Variants in NTN1 observed in about 807,000 individuals in gnomAD.
The protein encoded by NTN1 is netrin 1, also known as netrin-1.
A neutral mutation model predicts 54.2 loss-of-function variants in NTN1; 11 were observed. That is an observed-to-expected ratio of 0.20 (90% confidence interval 0.13 to 0.34). The LOEUF (loss-of-function observed/expected upper bound fraction) is 0.34, where lower values mean the gene tolerates loss of function less well. Ranked by LOEUF, NTN1 falls within the 10% of genes least tolerant of loss-of-function variation. NTN1 has a pLI of 1.00. For synonymous variants in NTN1, 371 were observed against 382.0 expected (o/e 0.97, Z 0.33); for missense variants, 740 against 893.1 (o/e 0.83, Z 2.18).
At chr17:9,105,678 CTCTG>C (rs1567711691) in intron 2 of NTN1, among the ~76,000 whole-genome samples, 1 of 151,404 alleles carries the variant, frequency 6.6e-6, no homozygotes, top group African/African-American at 2.4e-5. Flanking sequence ...CTCTCTCTCT[CTCTG>C]TCTCTGTCTC....
At chr17:9,177,871 T>C (rs1209448692) in intron 3 of NTN1, 1 of 152,182 alleles carries the variant, frequency 6.6e-6, no homozygotes, top group African/African-American at 2.4e-5. Context: ...GAATTTAGGG[T>C]ACATCTAAGA....
intron 5 of NTN1, among the ~76,000 whole-genome samples, chr17:9,202,392 T>G (rs1218264002): frequency 6.6e-6 from 1 of 152,178 alleles, no homozygotes; most frequent in Non-Finnish European, 1.5e-5. Flanking sequence ...GTGGGCTCTT[T>G]GTGAGGGCAG....
At chr17:9,076,036 T>A (rs534052556) in intron 2 of NTN1, among the ~76,000 whole-genome samples, 241 of 152,326 alleles carry the variant, frequency 1.6e-3, no homozygotes, top group African/African-American at 5.3e-3. Context: ...AGGTCATTTT[T>A]AAAAACTGCT....
rs544343237 is a variant in NTN1, at chr17:9,212,876, G to A, written c.1412-8292G>A. 4.6e-5 allele frequency among the ~76,000 whole-genome samples: 7 copies of A among 152,334 alleles called. No homozygotes were observed. Among genetic ancestry groups the A allele is most frequent in the Admixed American group, 3.9e-4 (6 of 15,306 alleles). On this transcript the variant is annotated intron_variant, in intron 5 of 6. Coordinates refer to ENST00000173229, the MANE Select transcript of NTN1 (RefSeq NM_004822.3). The surrounding 1 kb of genome is among the most constrained non-coding windows in gnomAD (Gnocchi z 5.5). ...TGCTCCAAGGGGAGGTGCCAGATGCGGTGCCCCTGGCTTCAACCGTGGCCG... is the reference window on the plus strand; with the variant it reads ...TGCTCCAAGGGGAGGTGCCAGATGCAGTGCCCCTGGCTTCAACCGTGGCCG...
At chr17:9,113,332 A>G (rs1037177899) in intron 2 of NTN1, among the ~76,000 whole-genome samples, 1 of 152,056 alleles carries the variant, frequency 6.6e-6, no homozygotes, top group Non-Finnish European at 1.5e-5. Context: ...TGTATACGGT[A>G]TTTTTAAAGC....
At chr17:9,095,543 T>A (rs1456196595) in intron 2 of NTN1, among the ~76,000 whole-genome samples, 2 of 152,254 alleles carry the variant, frequency 1.3e-5, no homozygotes, top group Non-Finnish European at 2.9e-5. Flanking sequence ...TTGGTCTGTT[T>A]CTGGAGTTCT....
At chr17:9,042,012 G>GA (rs577648784) in intron 2 of NTN1, among the ~76,000 whole-genome samples, 191 of 116,166 alleles carry the variant, frequency 1.6e-3, no homozygotes, top group South Asian at 8.6e-3. Flanking sequence ...CTGTCAAAAA[G>GA]AAAAAAAAAA....
chr17:9,039,738 A>G (rs767883300), intron 2 of NTN1, among the ~76,000 whole-genome samples: 5 of 152,154 alleles, frequency 3.3e-5, no homozygotes, highest in Non-Finnish European at 7.3e-5. Flanking sequence ...AAATGGAATC[A>G]TACGGTACGT....
intron 2 of NTN1, among the ~76,000 whole-genome samples, chr17:9,094,822 C>G (rs143683891): frequency 6.6e-6 from 1 of 151,990 alleles, no homozygotes; most frequent in Non-Finnish European, 1.5e-5. Context: ...AACCCCGTCT[C>G]TACTACAAAT....
intron 2 of NTN1, among the ~76,000 whole-genome samples, chr17:9,155,566 C>A (rs979186755): frequency 6.6e-6 from 1 of 152,062 alleles, no homozygotes; most frequent in Admixed American, 6.5e-5. Flanking sequence ...GTTTCAAACT[C>A]CTGACTTCAG....
rs138773744 is a variant in NTN1 at position 9,239,770 on chromosome 17, G to C, written c.1617G>C (p.Ser539=). The C allele has an allele frequency of 7.8e-5, 126 of 1,613,806 alleles. 1 individual carries two copies. In the African/African-American group the frequency reaches 8.9e-4, roughly 11 times the overall value. Residue 539 remains serine (S), a synonymous_variant, in exon 7 of 7, where the codon TCG becomes TCC. Coordinates refer to ENST00000173229, the MANE Select transcript of NTN1 (RefSeq NM_004822.3). This position sits in a 1 kb window ranked among gnomAD's most constrained non-coding sequence, Gnocchi z 5.2. ...GTGACCAGAGCCTGTGGATCCGCTC[G>C]CGGGACATCGCCTGCAAGTGTCCCA... is the stretch of plus-strand genomic sequence containing the variant. ...RRGDQSLWIR[S]RDIACKCPKI... is the part of the protein sequence containing the mutation.
At chr17:9,012,679 G>A in the NTN1 span, among the ~76,000 whole-genome samples, 2 of 151,992 alleles carry the variant, frequency 1.3e-5, no homozygotes, top group African/African-American at 2.4e-5. Flanking sequence ...CCTTCTTAGG[G>A]AGTCCTTCCC....
At chr17:9,119,180 TTTA>T (rs1480204040) in intron 2 of NTN1, among the ~76,000 whole-genome samples, 3 of 151,984 alleles carry the variant, frequency 2.0e-5, no homozygotes, top group Non-Finnish European at 4.4e-5. Context: ...AAATGTATTA[TTTA>T]TTTATTTATT....
intron 6 of NTN1, among the ~76,000 whole-genome samples, chr17:9,226,719 C>T (rs1307618989): frequency 2.0e-5 from 3 of 152,132 alleles, no homozygotes; most frequent in Non-Finnish European, 2.9e-5. Flanking sequence ...TTCGCGATTC[C>T]TGCCAGCTTC....
chr17:9,162,780 G>A, intron 2 of NTN1, 33 bp from the exon 3 acceptor site: 19 of 1,581,242 alleles, frequency 1.2e-5, no homozygotes, highest in Non-Finnish European at 1.6e-5. Context: ...CCGCGCCCCT[G>A]CGGCTGACAC....
At chr17:9,215,465 A>T (rs1905200165) in intron 5 of NTN1, among the ~76,000 whole-genome samples, 1 of 152,230 alleles carries the variant, frequency 6.6e-6, no homozygotes, top group African/African-American at 2.4e-5. Context: ...CCTTGTGTTT[A>T]TGCCATCACT....
chr17:9,023,403 GCGGCGGCGGAGC>G lies in NTN1; in HGVS notation c.1018+22_1018+33del. On this transcript the variant is annotated intron_variant, in intron 2 of 6. Coordinates refer to ENST00000173229, the MANE Select transcript of NTN1 (RefSeq NM_004822.3). ...CAACGAGTGCGTGGGTGAGTGGGGT[GCGGCGGCGGAGC>G]CGGCGGCGGGTGGGGCCGCGGGCGG... 1.5e-6 allele frequency: 2 copies of G among 1,358,296 alleles called. No individual in the cohort carries two copies. Among genetic ancestry groups the G allele is most frequent in the Non-Finnish European group, 1.9e-6 (2 of 1,061,552 alleles). 84.1% of individuals were successfully genotyped at this position (1,358,296 alleles called of 1,614,324 possible).
At chr17:9,046,673 G>A (rs972505023) in intron 2 of NTN1, among the ~76,000 whole-genome samples, 1 of 152,084 alleles carries the variant, frequency 6.6e-6, no homozygotes, top group African/African-American at 2.4e-5. Flanking sequence ...TGTAGTTTCA[G>A]CTACTAGAGA....
intron 2 of NTN1, among the ~76,000 whole-genome samples, chr17:9,153,617 G>A (rs1407785044): frequency 6.6e-6 from 1 of 152,160 alleles, no homozygotes; most frequent in Non-Finnish European, 1.5e-5. Flanking sequence ...GGAAGAGGGG[G>A]CCACGGTCTG....
Sources: allele counts gnomAD v4.1 joint callset (sites outside exome capture counted in the v4.1 genomes callset), GRCh38; gene constraint gnomAD v4.1.1; non-coding constraint Gnocchi (gnomAD v3.1); transcripts MANE v1.5; gene names NCBI Gene and HGNC (gene_info 2026-07-23, HGNC 2026-07-21).